CBFA2T2: variants seen among roughly 807,000 people sequenced by gnomAD.
The protein encoded by CBFA2T2 is CBFA2/RUNX1 partner transcriptional co-repressor 2.
Under a neutral mutation model 62.2 loss-of-function variants are expected in CBFA2T2, and 11 were observed. The ratio of observed to expected loss-of-function variants is 0.18; its 90% CI spans 0.11 to 0.29. The LOEUF is 0.29. Ranked by LOEUF, CBFA2T2 falls within the 10% of genes least tolerant of loss-of-function variation. The probability of loss-of-function intolerance (pLI) is 1.00; values close to 1 mark genes in which losing one functional copy is unlikely to be tolerated. For missense variants in CBFA2T2, 592 were observed against 774.1 expected, an observed-to-expected ratio of 0.76 and a Z score of 2.79; for synonymous variants, 295 against 287.5, an observed-to-expected ratio of 1.03 and a Z score of -0.27.
chr20:33,561,034 C>T (rs1410249693), intron 1 of CBFA2T2, among the ~76,000 whole-genome samples: 5 of 152,108 alleles, frequency 3.3e-5, no homozygotes, highest in Admixed American at 6.6e-5. Context: ...CGTACCAACA[C>T]GCCCAGCTAA....
chr20:33,492,054 T>C (rs2011150538), intron 1 of CBFA2T2, among the ~76,000 whole-genome samples: 1 of 151,972 alleles, frequency 6.6e-6, no homozygotes, highest in Non-Finnish European at 1.5e-5. Context: ...GACTAATTTT[T>C]TGCATTTTTA....
chr20:33,553,616 C>T (rs779789762), intron 1 of CBFA2T2, among the ~76,000 whole-genome samples: 1 of 152,180 alleles, frequency 6.6e-6, no homozygotes, highest in Non-Finnish European at 1.5e-5. Flanking sequence ...CCTGCTAATG[C>T]GGCAGGAAAG....
At chr20:33,533,608 T>G (rs1210663345) in intron 1 of CBFA2T2, among the ~76,000 whole-genome samples, 2 of 152,122 alleles carry the variant, frequency 1.3e-5, no homozygotes, top group Non-Finnish European at 1.5e-5. Flanking sequence ...AAATAAAGCT[T>G]CTTTGAACAT....
At chr20:33,520,914 A>G (rs2011711579) in intron 1 of CBFA2T2, among the ~76,000 whole-genome samples, 1 of 151,332 alleles carries the variant, frequency 6.6e-6, no homozygotes. Flanking sequence ...GCACGCGCAC[A>G]CACACACACA....
chr20:33,600,990 G>C (rs2015109100), intron 1 of CBFA2T2, among the ~76,000 whole-genome samples: 2 of 151,766 alleles, frequency 1.3e-5, no homozygotes, highest in Admixed American at 1.3e-4. Flanking sequence ...AAGAATTCCA[G>C]GACATATTGT....
intron 1 of CBFA2T2, among the ~76,000 whole-genome samples, chr20:33,603,827 T>G (rs761099079): frequency 6.6e-6 from 1 of 152,184 alleles, no homozygotes; most frequent in Non-Finnish European, 1.5e-5. Flanking sequence ...TCATAAAAAT[T>G]CAAAAAGGAA....
chr20:33,587,692 T>C (rs1037197907), intron 1 of CBFA2T2, among the ~76,000 whole-genome samples: 1 of 152,242 alleles, frequency 6.6e-6, no homozygotes, highest in Non-Finnish European at 1.5e-5. Context: ...AGCCACTGCG[T>C]CCAGCCCCGT....
chr20:33,608,807 C>A (rs965113558), intron 2 of CBFA2T2, among the ~76,000 whole-genome samples: 2 of 152,148 alleles, frequency 1.3e-5, no homozygotes, highest in Non-Finnish European at 2.9e-5. Context: ...CCTTTCTATA[C>A]ATCAGAGAAG....
chr20:33,554,264 T>A (rs1198472513), intron 1 of CBFA2T2, among the ~76,000 whole-genome samples: 1 of 150,950 alleles, frequency 6.6e-6, no homozygotes, highest in African/African-American at 2.4e-5. Context: ...TCTTTTTTTT[T>A]TTTTTTTTCA....
intron 1 of CBFA2T2, among the ~76,000 whole-genome samples, chr20:33,498,543 G>A (rs1274486774): frequency 2.0e-5 from 3 of 151,788 alleles, no homozygotes; most frequent in African/African-American, 4.8e-5. Flanking sequence ...GTGAGCTACC[G>A]CGCCCAACCT....
Position 33,609,075 on chromosome 20 carries a change from A to G in CBFA2T2, c.178+1976A>G. On this transcript the variant is annotated intron_variant, in intron 2 of 10. Coordinates refer to ENST00000342704, the MANE Select transcript of CBFA2T2 (RefSeq NM_001032999.3). ...ATCATTCAGCAGCATTTTCCTAAAC[A>G]CCCTTTGCTGAACAAAGCAAAAATA... Among the ~76,000 whole-genome samples the G allele has an allele frequency of 1.3e-5, 2 of 152,202 alleles. 1 individual carries two copies. Among genetic ancestry groups the G allele is most frequent in the South Asian group, 4.1e-4 (2 of 4,826 alleles).
intron 1 of CBFA2T2, among the ~76,000 whole-genome samples, chr20:33,558,618 T>A (rs756867836): frequency 6.6e-6 from 1 of 152,190 alleles, no homozygotes; most frequent in Non-Finnish European, 1.5e-5. Flanking sequence ...TCAATCGTAT[T>A]GTTTTACTTT....
At chr20:33,501,379 A>G (rs946283728) in intron 1 of CBFA2T2, among the ~76,000 whole-genome samples, 1 of 152,180 alleles carries the variant, frequency 6.6e-6, no homozygotes, top group African/African-American at 2.4e-5. Flanking sequence ...CCACATGAGA[A>G]CAGACATTTA....
At chr20:33,638,364 G>A (rs755106929) in intron 9 of CBFA2T2, among the ~76,000 whole-genome samples, 1 of 152,194 alleles carries the variant, frequency 6.6e-6, no homozygotes, top group Non-Finnish European at 1.5e-5. Context: ...CAACTTTGGT[G>A]TTGGGCCAGC....
chr20:33,565,558 C>T (rs959183969), intron 1 of CBFA2T2, among the ~76,000 whole-genome samples: 1 of 152,100 alleles, frequency 6.6e-6, no homozygotes, highest in East Asian at 1.9e-4. Flanking sequence ...AAAAAATATG[C>T]ATTTTAGGAT....
intron 1 of CBFA2T2, among the ~76,000 whole-genome samples, chr20:33,542,549 T>C (rs2012435279): frequency 6.6e-6 from 1 of 152,332 alleles, no homozygotes; most frequent in African/African-American, 2.4e-5. Flanking sequence ...ATTGTGGACA[T>C]ATGCATTTGA....
rs138242395 is a variant in CBFA2T2 at position 33,564,347 on chromosome 20, C to G, written c.35-42609C>G. The stretch of plus-strand genomic sequence containing the variant: ...GCGCGGTCTCGGCTCACTGCAACCT[C>G]CACCTCCCGGGTTCAAGCTATTCTG... On this transcript the variant is annotated intron_variant, in intron 1 of 10. Coordinates refer to ENST00000342704, the MANE Select transcript of CBFA2T2 (RefSeq NM_001032999.3). Among the ~76,000 whole-genome samples, 6 of 151,332 alleles carry G rather than the reference C, an allele frequency of 4.0e-5. 1 individual carries two copies. The highest frequency in any genetic ancestry group is 1.5e-4 in the African/African-American group (6 of 41,222).
chr20:33,643,533 A>G (rs1446418658), intron 10 of CBFA2T2, among the ~76,000 whole-genome samples: 1 of 151,494 alleles, frequency 6.6e-6, no homozygotes, highest in Non-Finnish European at 1.5e-5. Flanking sequence ...AGCTTGGGCA[A>G]CATAGCAAGA....
chr20:33,530,847 G>A (rs909382832), intron 1 of CBFA2T2, among the ~76,000 whole-genome samples: 14 of 152,096 alleles, frequency 9.2e-5, no homozygotes, highest in East Asian at 3.9e-4. Context: ...TTGGGAGGCC[G>A]AGGCGGGCGG....
Sources: allele counts gnomAD v4.1 joint callset (sites outside exome capture counted in the v4.1 genomes callset), GRCh38; gene constraint gnomAD v4.1.1; transcripts MANE v1.5; gene names NCBI Gene and HGNC (gene_info 2026-07-23, HGNC 2026-07-21).